The following RGS12 variants were observed in gnomAD, a reference collection of about 807,000 sequenced individuals.
The protein encoded by RGS12 is regulator of G protein signaling 12.
A neutral mutation model predicts 120.1 loss-of-function variants in RGS12; 66 were observed. The ratio of observed to expected loss-of-function variants is 0.55; its 90% confidence interval spans 0.45 to 0.67. The LOEUF (loss-of-function observed/expected upper bound fraction) is 0.67. Ranked by LOEUF, RGS12 falls within the 30% of genes least tolerant of loss-of-function variation. RGS12 has a pLI of 0.00. For missense variants in RGS12, 1,859 were observed against 1,957.7 expected (o/e 0.95, Z 0.95); for synonymous variants, 827 against 804.7 (o/e 1.03, Z -0.47).
At chr4:3,293,676 A>C (rs914214366) in intron 1 of RGS12, among the ~76,000 whole-genome samples, 1 of 151,118 alleles carries the variant, frequency 6.6e-6, no homozygotes, top group African/African-American at 2.4e-5. Flanking sequence ...AAAGCTGTGG[A>C]ATGGGGACAG....
chr4:3,392,160 G>C (rs1408396425), intron 4 of RGS12, among the ~76,000 whole-genome samples: 1 of 152,170 alleles, frequency 6.6e-6, no homozygotes, highest in Non-Finnish European at 1.5e-5. Flanking sequence ...GCTTTTCTCA[G>C]GGACAGGACC....
intron 1 of RGS12, among the ~76,000 whole-genome samples, chr4:3,309,590 T>C (rs1198122484): frequency 2.0e-4 from 19 of 95,256 alleles, no homozygotes; most frequent in South Asian, 4.6e-4. Context: ...GGGAACTGTG[T>C]TGAGGAGGAG....
At chr4:3,388,889 G>C (rs916001792) in intron 4 of RGS12, among the ~76,000 whole-genome samples, 5 of 152,218 alleles carry the variant, frequency 3.3e-5, no homozygotes, top group Non-Finnish European at 7.3e-5. Flanking sequence ...GTGTTTTTAT[G>C]GGAAAAATGC....
At position 3,416,999 on chromosome 4, in the gene RGS12, C is replaced by T. The variant is rs6825783; in HGVS notation, c.2514C>T (p.Gly838=). The T allele has an allele frequency of 3.1e-6, 5 of 1,613,298 alleles. No homozygotes were observed. The highest frequency in any genetic ancestry group is 3.4e-6 in the Non-Finnish European group (4 of 1,179,796). ...AATGCATCCTGGCGGAAGTGGAGGG[C>T]CGTGCACTCCCGGACTCGCAGCAGG... The part of the protein sequence containing the change: ...YQECILAEVE[G]RALPDSQQVP... The change falls in exon 8 of 18, where the codon GGC becomes GGT. Residue 838 remains glycine (G), a synonymous_variant. Transcript: ENST00000336727.
In RGS12 at chr4:3,316,284, A is replaced by T. The variant is rs1393536105; in HGVS notation, c.114A>T (p.Gly38=). 1.2e-5 allele frequency: 19 copies of T among 1,613,974 alleles called. No individual in the cohort carries two copies. The highest frequency in any genetic ancestry group is 1.6e-5 in the Non-Finnish European group (19 of 1,179,922). The change falls in exon 2 of 18, where the codon GGA becomes GGT. Residue 38 remains glycine, a synonymous_variant. Transcript: ENST00000336727. ...GRAGYGFTLS[G]QAPCVLSCVM... is the part of the protein sequence containing the mutation. ...CCGGCTACGGATTCACGCTTTCGGG[A>T]CAGGCACCCTGTGTGCTCAGCTGCG...
Position 3,428,708 on chromosome 4 carries a change from G to C in RGS12, c.3562G>C (p.Glu1188Gln). The C allele has an allele frequency of 6.3e-7, 1 of 1,587,618 alleles. No homozygotes were observed. Residue 1188 changes from glutamate to glutamine, a missense_variant, in exon 16 of 18, where the codon GAG becomes CAG. This residue lies in a region of RGS12 where 517 missense variants were observed against 488.5 expected (regional missense o/e 1.06). Coordinates refer to ENST00000336727, the MANE Select transcript of RGS12 (RefSeq NM_001394154.1). Reference sequence around the variant, plus strand: ...TCAGAAAATTAATTTGGACGAAGCAGAGGGTATGTGAACTTTTTAAAACTT... The same window carrying C: ...TCAGAAAATTAATTTGGACGAAGCACAGGGTATGTGAACTTTTTAAAACTT... Reference protein sequence around the residue: ...KYQKINLDEAEEFFELISKAQ... With the variant: ...KYQKINLDEAQEFFELISKAQ...
intron 4 of RGS12, among the ~76,000 whole-genome samples, chr4:3,400,433 T>C (rs1365887378): frequency 6.6e-6 from 1 of 152,164 alleles, no homozygotes; most frequent in Non-Finnish European, 1.5e-5. Context: ...TAGGGATACA[T>C]TGGTGAACAA....
At chr4:3,403,605 T>C (rs1720811895) in intron 4 of RGS12, among the ~76,000 whole-genome samples, 1 of 152,242 alleles carries the variant, frequency 6.6e-6, no homozygotes, top group African/African-American at 2.4e-5. Flanking sequence ...CTATTCCAGA[T>C]CCCTGTTTTC....
At chr4:3,368,618 G>T (rs573062528) in intron 3 of RGS12, among the ~76,000 whole-genome samples, 4 of 121,284 alleles carry the variant, frequency 3.3e-5, no homozygotes, top group African/African-American at 1.3e-4. Flanking sequence ...ACCTGTGTGT[G>T]GGGGGGTACA....
In RGS12 at chr4:3,365,243, G is replaced by A. The variant is rs749912221; in HGVS notation, c.1999-21173G>A. Among the ~76,000 whole-genome samples, 3 of 152,210 alleles carry A rather than the reference G, an allele frequency of 2.0e-5. No homozygotes were observed. Among genetic ancestry groups the A allele is most frequent in the Non-Finnish European group, 4.4e-5 (3 of 68,046 alleles). ...GTTCTTGTAAATAGAGTCTCCCTGGGCTGCAGTTCCGTCTGCTGTTTTCAT... is the reference window on the plus strand; with the variant it reads ...GTTCTTGTAAATAGAGTCTCCCTGGACTGCAGTTCCGTCTGCTGTTTTCAT... On this transcript the variant is annotated intron_variant, in intron 3 of 17. Coordinates refer to ENST00000336727, the MANE Select transcript of RGS12 (RefSeq NM_001394154.1). The surrounding 1 kb of genome is among the most constrained non-coding windows in gnomAD (Gnocchi z 4.0).
chr4:3,401,502 T>C (rs532848495), intron 4 of RGS12, among the ~76,000 whole-genome samples: 1 of 152,354 alleles, frequency 6.6e-6, no homozygotes, highest in African/African-American at 2.4e-5. Flanking sequence ...CCCAGCTTTA[T>C]AGGAAAGTTA....
chr4:3,317,554 G>A lies in RGS12; in HGVS notation c.1384G>A (p.Gly462Arg). The change falls in exon 2 of 18, where the codon GGG becomes AGG. Residue 462 changes from glycine to arginine, a missense_variant. Coordinates refer to ENST00000336727, the MANE Select transcript of RGS12 (RefSeq NM_001394154.1). ...PGGSAWDGVG[G>R]RGAQPWGAPW... ...AGGCAGCGCGTGGGACGGTGTGGGT[G>A]GGAGGGGTGCCCAGCCCTGGGGTGC... 1 of 1,608,202 alleles carries A rather than the reference G, an allele frequency of 6.2e-7. No individual in the cohort carries two copies. Among genetic ancestry groups the A allele is most frequent in the Non-Finnish European group, 8.5e-7 (1 of 1,178,446 alleles).
Position 3,316,160 on chromosome 4 carries a change from A to G in RGS12, c.-11A>G. ...AATGAGACGTGCTCTTGGTCTTGGA[A>G]GCTCATCAGAATGTTTAGAGCTGGG... On this transcript the variant is annotated 5_prime_UTR_variant, in exon 2 of 18. Coordinates refer to ENST00000336727, the MANE Select transcript of RGS12 (RefSeq NM_001394154.1). 6.5e-7 allele frequency: 1 copy of G among 1,530,250 alleles called. No individual in the cohort carries two copies. The highest frequency in any genetic ancestry group is 8.8e-7 in the Non-Finnish European group (1 of 1,140,322). The allele number at this position is 1,530,250 out of a possible 1,614,324, so 94.8% of individuals were successfully genotyped here. A position where few individuals can be genotyped will look rare whatever the true frequency, so the allele number is the denominator to read the frequency against.
chr4:3,400,800 T>A (rs1164690081), intron 4 of RGS12, among the ~76,000 whole-genome samples: 1 of 149,184 alleles, frequency 6.7e-6, no homozygotes, highest in Non-Finnish European at 1.5e-5. Flanking sequence ...AAGCACTCAT[T>A]CCTTTTTTAC....
chr4:3,382,771 A>G (rs923574354), intron 3 of RGS12, among the ~76,000 whole-genome samples: 7 of 152,180 alleles, frequency 4.6e-5, no homozygotes, highest in Non-Finnish European at 8.8e-5. Context: ...TAGCCTTCCT[A>G]TTGAATCTTT....
intron 3 of RGS12, chr4:3,343,337 C>T (rs1713448662): frequency 8.9e-6 from 3 of 335,446 alleles, no homozygotes; most frequent in Non-Finnish European, 1.7e-5. Flanking sequence ...CACAAATACT[C>T]TACGAGGTAG....
chr4:3,383,613 GTA>G (rs919392540), intron 3 of RGS12, among the ~76,000 whole-genome samples: 3 of 149,566 alleles, frequency 2.0e-5, no homozygotes, highest in Admixed American at 2.0e-4. Context: ...AAAAAAAAAA[GTA>G]TGTGTATCTC....
chr4:3,317,328 C>G lies in RGS12; in HGVS notation c.1158C>G (p.Ile386Met). Residue 386 changes from isoleucine to methionine, a missense_variant, in exon 2 of 18, where the codon ATC becomes ATG. By Grantham distance (10) the Ile-to-Met change is conservative (BLOSUM62 1). Transcript: ENST00000336727. ...CCTCCCTCCCCGTCCTGCAGTTCAT[C>G]TCTGTCCTGTACCGAGACATGGGTG... Reference protein sequence around the residue: ...PASSLPVLQFISVLYRDMGEL... With the variant: ...PASSLPVLQFMSVLYRDMGEL... 6.2e-7 allele frequency: 1 copy of G among 1,614,174 alleles called. No individual in the cohort carries two copies. The highest frequency in any genetic ancestry group is 8.5e-7 in the Non-Finnish European group (1 of 1,180,050).
intron 3 of RGS12, among the ~76,000 whole-genome samples, chr4:3,367,511 C>T (rs1218656434): frequency 6.6e-6 from 1 of 152,268 alleles, no homozygotes; most frequent in African/African-American, 2.4e-5. Context: ...GTAAACACAT[C>T]CATCCAAACA....
Sources: gnomAD v4.1 joint callset for allele counts (sites outside exome capture counted in the v4.1 genomes callset) on GRCh38, gnomAD v4.1.1 for gene constraint, gnomAD v4.1.1 regional missense constraint, Gnocchi (gnomAD v3.1) non-coding constraint, MANE v1.5 for transcripts, NCBI Gene and HGNC (gene_info 2026-07-23, HGNC 2026-07-21) for gene names.